The following TRABD2B variants were observed in gnomAD, a reference collection of about 807,000 sequenced individuals.
TRABD2B encodes the protein TraB domain containing 2B, also known as metalloprotease TIKI2.
Under a neutral mutation model 40.1 loss-of-function variants are expected in TRABD2B, and 14 were observed. That is an observed-to-expected ratio of 0.35 (90% CI 0.23 to 0.55). The LOEUF (loss-of-function observed/expected upper bound fraction) is 0.55. TRABD2B is among the 20% of genes least tolerant of loss of function. The probability of loss-of-function intolerance (pLI) is 0.90; values close to 1 mark genes in which losing one functional copy is unlikely to be tolerated. For missense variants in TRABD2B, 541 were observed against 648.6 expected, an observed-to-expected ratio of 0.83 and a Z score of 1.80; for synonymous variants, 263 against 277.0, an observed-to-expected ratio of 0.95 and a Z score of 0.50.
chr1:47,996,581 T>C lies in TRABD2B; in HGVS notation c.102+107A>G, dbSNP rs1422583931. ...CGAGGCTGCGCCCGGGGGGTGGAGG[T>C]GGAGCGGGCGGGCTAAGGTGGGTGC... On this transcript the variant is annotated intron_variant, in intron 1 of 6. Transcript: ENST00000606738. This position sits in a 1 kb window ranked among gnomAD's most constrained non-coding sequence, Gnocchi z 4.6. The C allele has an allele frequency of 8.7e-6, 10 of 1,146,824 alleles. No homozygotes were observed. Among genetic ancestry groups the C allele is most frequent in the Non-Finnish European group, 1.1e-5 (10 of 925,816 alleles). The allele number at this position is 1,146,824 out of a possible 1,614,324, so 71.0% of individuals were successfully genotyped here.
At chr1:47,839,577 G>C (rs1645367206) in intron 2 of TRABD2B, among the ~76,000 whole-genome samples, 1 of 152,208 alleles carries the variant, frequency 6.6e-6, no homozygotes, top group Admixed American at 6.5e-5. Flanking sequence ...TGCAGCCAGA[G>C]GGAATTTATG....
At chr1:47,838,080 G>A (rs11584913) in intron 2 of TRABD2B, among the ~76,000 whole-genome samples, 1 of 152,162 alleles carries the variant, frequency 6.6e-6, no homozygotes, top group Non-Finnish European at 1.5e-5. Flanking sequence ...GTAATTTAGG[G>A]CCAATTTACA....
intron 2 of TRABD2B, among the ~76,000 whole-genome samples, chr1:47,886,584 A>G (rs1180963615): frequency 6.6e-6 from 1 of 152,232 alleles, no homozygotes; most frequent in African/African-American, 2.4e-5. Context: ...CTCAGTGAAC[A>G]TGCCAAGCCA....
intron 2 of TRABD2B, among the ~76,000 whole-genome samples, chr1:47,822,046 T>C (rs1172467066): frequency 1.3e-5 from 2 of 152,126 alleles, no homozygotes; most frequent in African/African-American, 4.8e-5. Flanking sequence ...CTCTCAGTCA[T>C]ATTCATACTC....
intron 2 of TRABD2B, among the ~76,000 whole-genome samples, chr1:47,857,141 T>A (rs1643900813): frequency 6.6e-6 from 1 of 152,246 alleles, no homozygotes; most frequent in Admixed American, 6.5e-5. Flanking sequence ...TTGACCATCA[T>A]AAAGGCACTT....
At chr1:47,881,175 AGTGGTGGTG>A (rs375024275) in intron 2 of TRABD2B, among the ~76,000 whole-genome samples, 6 of 151,966 alleles carry the variant, frequency 3.9e-5, no homozygotes, top group Admixed American at 3.3e-4. Context: ...CTTGGGTTGC[AGTGGTGGTG>A]GTGGTGGTGG....
intron 2 of TRABD2B, among the ~76,000 whole-genome samples, chr1:47,897,263 C>T (rs1644535384): frequency 6.6e-6 from 1 of 152,124 alleles, no homozygotes; most frequent in Non-Finnish European, 1.5e-5. Context: ...GTCCCAGAAA[C>T]AGCAAGGAAG....
intron 2 of TRABD2B, among the ~76,000 whole-genome samples, chr1:47,837,541 C>T (rs947719358): frequency 3.2e-4 from 49 of 152,136 alleles, no homozygotes; most frequent in African/African-American, 1.1e-3. Flanking sequence ...CCAAGGTCCC[C>T]AAGAGCCTCC....
intron 2 of TRABD2B, among the ~76,000 whole-genome samples, chr1:47,981,234 G>C (rs973571885): frequency 2.0e-5 from 3 of 152,000 alleles, no homozygotes; most frequent in African/African-American, 7.3e-5. Flanking sequence ...GATTGGTTTC[G>C]AACTCCTGGC....
At chr1:47,965,201 C>CGGG (rs1337943602) in intron 2 of TRABD2B, among the ~76,000 whole-genome samples, 2 of 9,496 alleles carry the variant, frequency 2.1e-4, no homozygotes, top group African/African-American at 8.5e-4. Flanking sequence ...TGGCGGGGGG[C>CGGG]GGGGGGGGGT....
chr1:47,955,117 A>ACACATG (rs1243393864), intron 2 of TRABD2B, among the ~76,000 whole-genome samples: 1 of 151,754 alleles, frequency 6.6e-6, no homozygotes, highest in Non-Finnish European at 1.5e-5. Context: ...TTCCCCATCC[A>ACACATG]CACATGTCTT....
chr1:47,872,128 C>A (rs1167957039), intron 2 of TRABD2B, among the ~76,000 whole-genome samples: 1 of 152,212 alleles, frequency 6.6e-6, no homozygotes, highest in East Asian at 1.9e-4. Flanking sequence ...CAGCAGCATG[C>A]AGGGTCATGG....
At chr1:47,766,183 A>AT in intron 6 of TRABD2B, 77 bp from the exon 7 acceptor site, 2 of 682,778 alleles carry the variant, frequency 2.9e-6, no homozygotes, top group South Asian at 1.6e-5. Flanking sequence ...CTCAGATCTG[A>AT]TTTTTTCAGG....
intron 2 of TRABD2B, among the ~76,000 whole-genome samples, chr1:47,955,950 GGCACA>G (rs1645415131): frequency 6.6e-6 from 1 of 152,190 alleles, no homozygotes; most frequent in Admixed American, 6.5e-5. Context: ...CTCCTTGCTT[GGCACA>G]TAGATGAATC....
At chr1:47,862,822 A>G (rs908185131) in intron 2 of TRABD2B, among the ~76,000 whole-genome samples, 1 of 151,868 alleles carries the variant, frequency 6.6e-6, no homozygotes, top group African/African-American at 2.4e-5. Flanking sequence ...ACAGTACTCA[A>G]TTCAAGACTT....
chr1:47,896,936 G>C (rs1644530447), intron 2 of TRABD2B, among the ~76,000 whole-genome samples: 2 of 152,198 alleles, frequency 1.3e-5, no homozygotes, highest in Non-Finnish European at 2.9e-5. Context: ...TGAGCCCCTA[G>C]TATATGTTGA....
At chr1:47,864,227 C>A (rs1644020757) in intron 2 of TRABD2B, among the ~76,000 whole-genome samples, 1 of 151,972 alleles carries the variant, frequency 6.6e-6, no homozygotes, top group Non-Finnish European at 1.5e-5. Flanking sequence ...CAAGAGGGAA[C>A]CCTAATGTAG....
chr1:47,986,718 A>G (rs1557696914), intron 2 of TRABD2B, among the ~76,000 whole-genome samples: 1 of 152,060 alleles, frequency 6.6e-6, no homozygotes, highest in Admixed American at 6.6e-5. Context: ...GAAAAGGAGG[A>G]AATTCCTAAA....
At chr1:47,805,926 G>GTTAA (rs1553153065) in intron 2 of TRABD2B, among the ~76,000 whole-genome samples, 1 of 152,168 alleles carries the variant, frequency 6.6e-6, no homozygotes, top group Admixed American at 6.5e-5. Context: ...TATCCTCCTA[G>GTTAA]TTAACCACTG....
Sources: allele counts gnomAD v4.1 joint callset (sites outside exome capture counted in the v4.1 genomes callset), GRCh38; gene constraint gnomAD v4.1.1; non-coding constraint Gnocchi (gnomAD v3.1); transcripts MANE v1.5; gene names NCBI Gene and HGNC (gene_info 2026-07-23, HGNC 2026-07-21).